The following NEGR1 variants were observed in gnomAD, a reference collection of about 807,000 sequenced individuals.
The protein encoded by NEGR1 is neuronal growth regulator 1.
In NEGR1, 10 loss-of-function variants were observed where a neutral mutation model predicts 40.9. The ratio of observed to expected loss-of-function variants is 0.24; its 90% CI spans 0.15 to 0.42. The LOEUF (loss-of-function observed/expected upper bound fraction) is 0.42, where lower values mean the gene tolerates loss of function less well. Ranked by LOEUF, NEGR1 falls within the 10% of genes least tolerant of loss-of-function variation. The pLI is 1.00. For missense variants in NEGR1, 352 were observed against 438.9 expected (o/e 0.80, Z 1.77); for synonymous variants, 185 against 166.8 (o/e 1.11, Z -0.84).
intron 3 of NEGR1, among the ~76,000 whole-genome samples, chr1:71,718,362 G>A (rs1285520031): frequency 6.6e-6 from 1 of 152,138 alleles, no homozygotes; most frequent in Non-Finnish European, 1.5e-5. Flanking sequence ...TGATGTGCCT[G>A]TTCCCCCTTT....
At chr1:72,262,128 T>C (rs1050554015) in intron 1 of NEGR1, among the ~76,000 whole-genome samples, 1 of 152,006 alleles carries the variant, frequency 6.6e-6, no homozygotes, top group Non-Finnish European at 1.5e-5. Flanking sequence ...ATTGGATAAC[T>C]GGGTGGCAGG....
At chr1:72,044,261 A>G (rs1646981337) in intron 1 of NEGR1, among the ~76,000 whole-genome samples, 1 of 151,424 alleles carries the variant, frequency 6.6e-6, no homozygotes, top group South Asian at 2.1e-4. Flanking sequence ...CCTACCAAAG[A>G]AAAAGCCTCA....
intron 6 of NEGR1, among the ~76,000 whole-genome samples, chr1:71,509,245 G>T (rs1270547091): frequency 6.6e-6 from 1 of 152,186 alleles, no homozygotes; most frequent in Non-Finnish European, 1.5e-5. Flanking sequence ...ATTGCATATT[G>T]GCTCTATACC....
chr1:71,769,709 A>G (rs1656249546), intron 3 of NEGR1, among the ~76,000 whole-genome samples: 1 of 152,224 alleles, frequency 6.6e-6, no homozygotes, highest in Admixed American at 6.5e-5. Context: ...CCATGAGTCC[A>G]TTAAACCTCT....
chr1:72,228,668 T>C (rs761778471), intron 1 of NEGR1, among the ~76,000 whole-genome samples: 3 of 152,164 alleles, frequency 2.0e-5, no homozygotes, highest in Non-Finnish European at 4.4e-5. Flanking sequence ...AGCTCTCTGA[T>C]ACATCAAAAG....
chr1:71,980,656 C>T (rs1342365104), intron 1 of NEGR1, among the ~76,000 whole-genome samples: 3 of 152,180 alleles, frequency 2.0e-5, no homozygotes, highest in South Asian at 2.1e-4. Flanking sequence ...GAAGTCTAAG[C>T]CCCTTAGCCC....
intron 1 of NEGR1, among the ~76,000 whole-genome samples, chr1:72,076,527 C>A (rs1647744216): frequency 7.0e-6 from 1 of 142,056 alleles, no homozygotes. Context: ...CCTGCCTCAC[C>A]AACCTCATTC....
chr1:71,779,761 G>A (rs959859393), intron 2 of NEGR1, among the ~76,000 whole-genome samples: 1 of 151,828 alleles, frequency 6.6e-6, no homozygotes, highest in East Asian at 1.9e-4. Context: ...TAGAGATGGG[G>A]TTTTGCCACA....
At chr1:71,614,003 A>C (rs1190426308) in intron 4 of NEGR1, among the ~76,000 whole-genome samples, 2 of 152,114 alleles carry the variant, frequency 1.3e-5, no homozygotes, top group Non-Finnish European at 2.9e-5. Flanking sequence ...TCAACTAAAA[A>C]AATACCCTAG....
chr1:71,664,423 C>A (rs186426492), intron 4 of NEGR1, among the ~76,000 whole-genome samples: 1 of 152,250 alleles, frequency 6.6e-6, no homozygotes, highest in Admixed American at 6.5e-5. Context: ...CTAATTTTTT[C>A]TAATACTTTT....
chr1:71,481,565 T>C (rs1309682803), intron 6 of NEGR1, among the ~76,000 whole-genome samples: 1 of 151,852 alleles, frequency 6.6e-6, no homozygotes, highest in Non-Finnish European at 1.5e-5. Context: ...AGCCAATTGG[T>C]GTTCTTTGGA....
chr1:71,659,720 G>T (rs565899162), intron 4 of NEGR1, among the ~76,000 whole-genome samples: 8 of 152,056 alleles, frequency 5.3e-5, no homozygotes, highest in Admixed American at 2.6e-4. Flanking sequence ...CAAGCATATG[G>T]AAAAAAGCTA....
intron 1 of NEGR1, among the ~76,000 whole-genome samples, chr1:72,257,300 CG>C (rs1475257389): frequency 8.4e-6 from 1 of 119,054 alleles, no homozygotes; most frequent in East Asian, 2.3e-4. Flanking sequence ...CCAGCCTGGG[CG>C]ACAGAGCGAG....
Position 71,692,609 on chromosome 1 carries a change from A to T in NEGR1, c.667+5399T>A, listed in dbSNP as rs141334054. On this transcript the variant is annotated intron_variant, in intron 4 of 6. Coordinates refer to ENST00000357731, the MANE Select transcript of NEGR1 (RefSeq NM_173808.3). ...AAAACTTTAGGAATAGCTTTAAAAA[A>T]CTGGTCATTTCCCTAGAAGCCTCCT... 2.9e-4 allele frequency among the ~76,000 whole-genome samples: 44 copies of T among 151,780 alleles called. No individual in the cohort carries two copies. In the East Asian group the frequency reaches 5.8e-3, roughly 20 times the overall value.
At chr1:71,674,619 C>A (rs1206293800) in intron 4 of NEGR1, among the ~76,000 whole-genome samples, 4 of 144,802 alleles carry the variant, frequency 2.8e-5, no homozygotes, top group African/African-American at 1.0e-4. Context: ...CACACACACA[C>A]AAATGTATAC....
At chr1:71,669,321 T>G (rs891105226) in intron 4 of NEGR1, among the ~76,000 whole-genome samples, 1 of 152,052 alleles carries the variant, frequency 6.6e-6, no homozygotes, top group Non-Finnish European at 1.5e-5. Context: ...CTATTTACTT[T>G]TAATGTATAT....
chr1:72,108,404 A>G (rs1022120722), intron 1 of NEGR1, among the ~76,000 whole-genome samples: 8 of 151,558 alleles, frequency 5.3e-5, no homozygotes, highest in Non-Finnish European at 7.4e-5. Context: ...GAATCATACC[A>G]TTACACTGGC....
At chr1:71,839,078 A>G (rs1659143046) in intron 2 of NEGR1, among the ~76,000 whole-genome samples, 1 of 151,860 alleles carries the variant, frequency 6.6e-6, no homozygotes, top group Non-Finnish European at 1.5e-5. Context: ...TCTGTGCCTC[A>G]GCAAAACTTC....
At chr1:71,560,237 G>C (rs1384425698) in intron 6 of NEGR1, among the ~76,000 whole-genome samples, 1 of 150,980 alleles carries the variant, frequency 6.6e-6, no homozygotes. Context: ...AGGAATTTCA[G>C]CTTCAGAGAT....
Sources: gnomAD v4.1 joint callset for allele counts (sites outside exome capture counted in the v4.1 genomes callset) on GRCh38, gnomAD v4.1.1 for gene constraint, MANE v1.5 for transcripts, NCBI Gene and HGNC (gene_info 2026-07-23, HGNC 2026-07-21) for gene names.